The following TCF4 variants were observed in gnomAD, a reference collection of about 807,000 sequenced individuals.
The protein encoded by TCF4 is SL3-3 enhancer factor 2.
In TCF4, 3 loss-of-function variants were observed where a neutral mutation model predicts 82.1. That is an observed-to-expected ratio of 0.04 (90% CI 0.02 to 0.09). The LOEUF (loss-of-function observed/expected upper bound fraction) is 0.09, where lower values mean the gene tolerates loss of function less well. Ranked by LOEUF, TCF4 falls within the 10% of genes least tolerant of loss-of-function variation. The pLI, the probability that TCF4 is intolerant of heterozygous loss-of-function variation, is 1.00. For missense variants in TCF4, 518 were observed against 852.7 expected (o/e 0.61, Z 4.89); for synonymous variants, 276 against 309.6 (o/e 0.89, Z 1.14).
chr18:55,555,778 C>G (rs774445430), intron 3 of TCF4, among the ~76,000 whole-genome samples: 18 of 152,190 alleles, frequency 1.2e-4, no homozygotes, highest in Non-Finnish European at 2.6e-4. Context: ...AAAGCAATTA[C>G]AGCTTAATAG....
At chr18:55,350,145 A>G (rs1569133289) in intron 8 of TCF4, among the ~76,000 whole-genome samples, 1 of 152,170 alleles carries the variant, frequency 6.6e-6, no homozygotes, top group Non-Finnish European at 1.5e-5. Flanking sequence ...AACCTGCTGA[A>G]TATCAACATA....
intron 3 of TCF4, among the ~76,000 whole-genome samples, chr18:55,519,644 A>T (rs1314694640): frequency 1.3e-5 from 2 of 152,174 alleles, no homozygotes; most frequent in African/African-American, 2.4e-5. Flanking sequence ...CAGCCATAAG[A>T]CAGAACTGTG....
At chr18:55,621,456 T>TA (rs2097718187) in intron 2 of TCF4, among the ~76,000 whole-genome samples, 6 of 76,360 alleles carry the variant, frequency 7.9e-5, no homozygotes, top group South Asian at 3.7e-4. Context: ...ATAATATATA[T>TA]AATATATAAT....
intron 3 of TCF4, among the ~76,000 whole-genome samples, chr18:55,464,921 G>GA (rs1257335776): frequency 6.6e-6 from 1 of 152,200 alleles, no homozygotes; most frequent in Non-Finnish European, 1.5e-5. Context: ...AGTAGATTAC[G>GA]AAATGTTCCA....
chr18:55,371,029 C>A (rs1486669684), intron 6 of TCF4, among the ~76,000 whole-genome samples: 1 of 152,186 alleles, frequency 6.6e-6, no homozygotes, highest in Non-Finnish European at 1.5e-5. Flanking sequence ...CTGATTCAAA[C>A]CTGAATGTCT....
At position 55,586,184 on chromosome 18, in the gene TCF4, AG is replaced by A. The variant is rs1184682463; in HGVS notation, c.73-833del. ...CAGCAGCAGCAGCAGCAGCAGCAGC[AG>A]CAGCAGCAGCAGCAGCAGCAGCAGC... On this transcript the variant is annotated intron_variant, in intron 2 of 19. Transcript: ENST00000354452. 9.8e-4 allele frequency: 599 copies of A among 611,888 alleles called. 43 individuals carry two copies. The highest frequency in any genetic ancestry group is 9.3e-3 in the South Asian group (350 of 37,576). The allele number at this position is 611,888 out of a possible 1,614,324, so 37.9% of individuals were successfully genotyped here.
At chr18:55,299,800 A>G (rs2067598280) in intron 8 of TCF4, among the ~76,000 whole-genome samples, 1 of 152,104 alleles carries the variant, frequency 6.6e-6, no homozygotes, top group African/African-American at 2.4e-5. Flanking sequence ...CCCTTGGCAT[A>G]TTCACAGATG....
upstream of TCF4, chr18:55,588,713 T>A (rs2097675759): frequency 2.3e-6 from 3 of 1,303,026 alleles, no homozygotes; most frequent in South Asian, 7.5e-5. Context: ...CTTTTTCGTC[T>A]ATAAATCAAG....
At chr18:55,338,024 A>G (rs1488689821) in intron 8 of TCF4, among the ~76,000 whole-genome samples, 1 of 151,992 alleles carries the variant, frequency 6.6e-6, no homozygotes. Flanking sequence ...AAAAAAAAAA[A>G]TCACCATCAG....
intron 4 of TCF4, 97 bp downstream of exon 4, chr18:55,463,969 TGTGTGTGTGA>T (rs767227010): frequency 4.2e-3 from 3,126 of 747,160 alleles, no homozygotes; most frequent in Non-Finnish European, 5.0e-3. Flanking sequence ...TGTGTGTGTG[TGTGTGTGTGA>T]GAGAGAGAGA....
At chr18:55,412,042 A>AT (rs571088933) in intron 5 of TCF4, among the ~76,000 whole-genome samples, 2 of 151,706 alleles carry the variant, frequency 1.3e-5, no homozygotes, top group African/African-American at 2.4e-5. Context: ...TGCCCAACAG[A>AT]TTTTTTTTTC....
At chr18:55,317,944 C>T (rs1311608983) in intron 8 of TCF4, among the ~76,000 whole-genome samples, 5 of 151,944 alleles carry the variant, frequency 3.3e-5, no homozygotes, top group East Asian at 1.9e-4. Context: ...ATTTACTTTC[C>T]GAGATTTGAT....
chr18:55,296,964 C>T (rs1011533085), intron 8 of TCF4, among the ~76,000 whole-genome samples: 6 of 152,082 alleles, frequency 3.9e-5, no homozygotes, highest in African/African-American at 1.2e-4. Context: ...ATTTTTCAAA[C>T]GTCATGGGCT....
intron 8 of TCF4, among the ~76,000 whole-genome samples, chr18:55,331,853 CAG>C (rs2077627613): frequency 6.6e-6 from 1 of 152,272 alleles, no homozygotes; most frequent in Non-Finnish European, 1.5e-5. Flanking sequence ...GCTGTCCTGG[CAG>C]AGAGTGTATT....
intron 8 of TCF4, among the ~76,000 whole-genome samples, chr18:55,313,584 G>C (rs1314544924): frequency 6.6e-6 from 1 of 152,188 alleles, no homozygotes; most frequent in South Asian, 2.1e-4. Flanking sequence ...GACAGGGAAG[G>C]CATTATTTAT....
At chr18:55,626,501 T>C (rs937870192) in intron 2 of TCF4, among the ~76,000 whole-genome samples, 6 of 152,168 alleles carry the variant, frequency 3.9e-5, no homozygotes, top group African/African-American at 1.4e-4. Context: ...AGGAGCAAAC[T>C]TCCATGCTTC....
At chr18:55,401,251 T>C (rs2093799662) in intron 6 of TCF4, 1 of 1,188,284 alleles carries the variant, frequency 8.4e-7, no homozygotes, top group Non-Finnish European at 1.1e-6. Flanking sequence ...TTTCCCTCTG[T>C]CAGCAAATTT....
At chr18:55,243,758 G>A (rs2052119853) in intron 15 of TCF4, among the ~76,000 whole-genome samples, 2 of 152,120 alleles carry the variant, frequency 1.3e-5, no homozygotes, top group South Asian at 4.1e-4. Flanking sequence ...GAGGGGTAGA[G>A]GGCAGAGTGT....
intron 3 of TCF4, among the ~76,000 whole-genome samples, chr18:55,465,965 T>C (rs1283795534): frequency 1.3e-5 from 2 of 152,188 alleles, no homozygotes; most frequent in Non-Finnish European, 2.9e-5. Flanking sequence ...TGGACTCATT[T>C]TATCTTTTCA....
Sources: gnomAD v4.1 joint callset for allele counts (sites outside exome capture counted in the v4.1 genomes callset) on GRCh38, gnomAD v4.1.1 for gene constraint, MANE v1.5 for transcripts, NCBI Gene and HGNC (gene_info 2026-07-23, HGNC 2026-07-21) for gene names.